The following OPHN1 variants were observed in gnomAD, a reference collection of about 807,000 sequenced individuals.
OPHN1 encodes oligophrenin-1.
In OPHN1, 11 loss-of-function variants were observed where a neutral mutation model predicts 60.7. The observed-to-expected ratio is 0.18, with a 90% CI of 0.11 to 0.30. The LOEUF is 0.30. Among genes scored for constraint, OPHN1 ranks in the 10% least tolerant of loss-of-function variants. The pLI, the probability that OPHN1 is intolerant of heterozygous loss-of-function variation, is 1.00. For missense variants in OPHN1, 449 were observed against 611.0 expected, an observed-to-expected ratio of 0.73 and a Z score of 2.80; for synonymous variants, 226 against 222.6, an observed-to-expected ratio of 1.02 and a Z score of -0.14.
At chrX:68,343,752 A>G (rs1268004036) in intron 2 of OPHN1, among the ~76,000 whole-genome samples, 1 of 111,725 alleles carries the variant, frequency 9.0e-6, no homozygotes, top group Admixed American at 9.6e-5. Context: ...GTATACAGAA[A>G]AGCAATATTT....
intron 24 of OPHN1, 117 bp downstream of exon 24, chrX:68,048,299 T>C: frequency 1.6e-6 from 1 of 614,978 alleles, no homozygotes; most frequent in Non-Finnish European, 2.7e-6. Flanking sequence ...AACTGAGGCG[T>C]AGAAGTGAGT....
intron 2 of OPHN1, among the ~76,000 whole-genome samples, chrX:68,306,308 A>G (rs756823573): frequency 8.9e-5 from 10 of 112,103 alleles, no homozygotes; most frequent in Non-Finnish European, 1.7e-4. Context: ...CTCTGCATCA[A>G]GCTCTCTCTG....
At chrX:68,398,513 G>T (rs138367576) in intron 2 of OPHN1, among the ~76,000 whole-genome samples, 1 of 111,982 alleles carries the variant, frequency 8.9e-6, no homozygotes, top group Admixed American at 9.6e-5. Context: ...GAAACACAGG[G>T]CTATCAGGTT....
chrX:68,048,672 G>C (rs1391798360), intron 23 of OPHN1, among the ~76,000 whole-genome samples: 1 of 112,037 alleles, frequency 8.9e-6, no homozygotes, highest in Non-Finnish European at 1.9e-5. Context: ...CATCTTTCAG[G>C]TGCCAGAACA....
intron 19 of OPHN1, among the ~76,000 whole-genome samples, chrX:68,087,999 C>G (rs2077001833): frequency 8.9e-6 from 1 of 111,803 alleles, no homozygotes; most frequent in African/African-American, 3.3e-5. Context: ...AGGGCTGTCA[C>G]TAAGGCTGTC....
chrX:68,151,053 A>G (rs2077283488), intron 15 of OPHN1, among the ~76,000 whole-genome samples: 1 of 111,871 alleles, frequency 8.9e-6, no homozygotes, highest in Non-Finnish European at 1.9e-5. Flanking sequence ...CAGGACTATG[A>G]CACCACCTAA....
At chrX:68,346,838 T>G (rs1370738616) in intron 2 of OPHN1, among the ~76,000 whole-genome samples, 4 of 112,055 alleles carry the variant, frequency 3.6e-5, no homozygotes, top group Admixed American at 2.9e-4. Flanking sequence ...ATCATTATAC[T>G]CCAAATTCTG....
intron 3 of OPHN1, among the ~76,000 whole-genome samples, chrX:68,287,730 T>C (rs761553749): frequency 1.2e-4 from 13 of 112,214 alleles, no homozygotes; most frequent in Non-Finnish European, 1.9e-4. Context: ...CAAATTAAAA[T>C]GTCATAGAGC....
chrX:68,088,342 G>A (rs888566837), intron 19 of OPHN1, among the ~76,000 whole-genome samples: 1 of 111,387 alleles, frequency 9.0e-6, no homozygotes, highest in African/African-American at 3.3e-5. Flanking sequence ...AAATATCAAG[G>A]GGGAGAGAAG....
At chrX:68,359,032 G>C (rs943592862) in intron 2 of OPHN1, among the ~76,000 whole-genome samples, 6 of 111,975 alleles carry the variant, frequency 5.4e-5, no homozygotes, top group Non-Finnish European at 1.1e-4. Flanking sequence ...TCATCTGGAA[G>C]AGCCAGTGTG....
At chrX:68,070,925 T>C (rs1352753339) in intron 20 of OPHN1, 1 of 1,132,008 alleles carries the variant, frequency 8.8e-7, no homozygotes, top group East Asian at 3.0e-5. Context: ...ACAAAGTCAA[T>C]AGGCAAGGTA....
intron 5 of OPHN1, among the ~76,000 whole-genome samples, chrX:68,250,310 GA>G (rs1039828993): frequency 8.9e-6 from 1 of 112,440 alleles, no homozygotes; most frequent in African/African-American, 3.2e-5. Context: ...CACGGAAATA[GA>G]ACTAATGTTT....
Position 68,053,852 on chromosome X carries a change from A to G in OPHN1, c.2159-42T>C, listed in dbSNP as rs373724351. 1.8e-5 allele frequency: 21 copies of G among 1,179,947 alleles called. No homozygotes were observed. In the African/African-American group the frequency reaches 2.3e-4, roughly 13 times the overall value. On this transcript the variant is annotated intron_variant, in intron 21 of 24. Coordinates refer to ENST00000355520, the MANE Select transcript of OPHN1 (RefSeq NM_002547.3). ...TACCAGGAACTTGGATGGTTAGCCA[A>G]ACAGAACACTACTCATGAGCAGGCA...
At chrX:68,062,844 T>C (rs2076898105) in intron 21 of OPHN1, among the ~76,000 whole-genome samples, 1 of 111,851 alleles carries the variant, frequency 8.9e-6, no homozygotes, top group African/African-American at 3.2e-5. Context: ...AAAACTCCCC[T>C]CTGGATTAGC....
rs369980383 is a variant in OPHN1, at chrX:68,265,104, C to A, written c.384+9634G>T. On this transcript the variant is annotated intron_variant, in intron 5 of 24. Transcript: ENST00000355520. ...CCTCTGTAGACTCCACCTCTGGGGG[C>A]AGGGTATTGCCAAACAAAAGGCAGC... 2.0e-4 allele frequency among the ~76,000 whole-genome samples: 22 copies of A among 112,711 alleles called. No individual in the cohort carries two copies. The East Asian group carries it at 5.1e-3, about 26-fold the overall frequency.
intron 4 of OPHN1, among the ~76,000 whole-genome samples, chrX:68,281,466 T>C (rs924727736): frequency 1.8e-5 from 2 of 111,879 alleles, no homozygotes; most frequent in African/African-American, 6.5e-5. Flanking sequence ...AGCTAAAAAA[T>C]TCCAAAAATA....
intron 5 of OPHN1, among the ~76,000 whole-genome samples, chrX:68,256,674 G>C (rs1321268189): frequency 8.9e-6 from 1 of 111,845 alleles, no homozygotes; most frequent in Non-Finnish European, 1.9e-5. Flanking sequence ...CTCTGTGTCA[G>C]CATCATTTTT....
chrX:68,242,069 A>G (rs1294618548), intron 5 of OPHN1, among the ~76,000 whole-genome samples: 11 of 111,131 alleles, frequency 9.9e-5, no homozygotes, highest in Non-Finnish European at 1.7e-4. Context: ...CAAAATCACA[A>G]TGAAATATGA....
At chrX:68,318,672 A>C (rs1001317622) in intron 2 of OPHN1, among the ~76,000 whole-genome samples, 3 of 111,899 alleles carry the variant, frequency 2.7e-5, no homozygotes, top group Non-Finnish European at 5.6e-5. Context: ...TACATTATTA[A>C]AGTCCATACT....
Sources: allele counts gnomAD v4.1 joint callset (sites outside exome capture counted in the v4.1 genomes callset), GRCh38; gene constraint gnomAD v4.1.1; transcripts MANE v1.5; gene names NCBI Gene and HGNC (gene_info 2026-07-23, HGNC 2026-07-21).